Variants in ZBTB7A observed in about 807,000 individuals in gnomAD.
The protein encoded by ZBTB7A is zinc finger and BTB domain containing 7A, also known as zinc finger and BTB domain-containing protein 7A.
Under a neutral mutation model 26.7 loss-of-function variants are expected in ZBTB7A, and 7 were observed. The ratio of observed to expected loss-of-function variants is 0.26; its 90% CI spans 0.15 to 0.49. ZBTB7A has a LOEUF of 0.49. ZBTB7A is among the 20% of genes least tolerant of loss of function. ZBTB7A has a pLI of 0.98. For synonymous variants in ZBTB7A, 452 were observed against 441.0 expected, an observed-to-expected ratio of 1.02 and a Z score of -0.31; for missense variants, 617 against 919.5, an observed-to-expected ratio of 0.67 and a Z score of 4.25.
intron 1 of ZBTB7A, among the ~76,000 whole-genome samples, chr19:4,066,325 C>T (rs1263344380): frequency 6.6e-6 from 1 of 150,694 alleles, no homozygotes; most frequent in South Asian, 2.1e-4. Context: ...GACGCGCCCC[C>T]CTATCTCCCC....
chr19:4,066,199 T>G (rs1170002924), intron 1 of ZBTB7A, among the ~76,000 whole-genome samples: 1 of 45,638 alleles, frequency 2.2e-5, no homozygotes, highest in Non-Finnish European at 3.9e-5. Context: ...TTCAGCCCCC[T>G]CCCCCCCATC....
chr19:4,059,930 A>G (rs900643779), intron 1 of ZBTB7A, among the ~76,000 whole-genome samples: 1 of 152,088 alleles, frequency 6.6e-6, no homozygotes. Context: ...CGCCCGACAC[A>G]CGGTACACGC....
At chr19:4,066,051 T>G (rs1256554325) in intron 1 of ZBTB7A, among the ~76,000 whole-genome samples, 2 of 148,730 alleles carry the variant, frequency 1.3e-5, no homozygotes, top group African/African-American at 4.9e-5. Flanking sequence ...ACCCTGGGAC[T>G]TGTAGTCCAA....
At position 4,055,517 on chromosome 19, in the gene ZBTB7A, G is replaced by C. The variant is rs370794280; in HGVS notation, c.-15-270C>G. ...AGACAGGCTATCACCATGTTGGCCA[G>C]GCTGGTCTCAAACCCCTGGCCTCGG... On this transcript the variant is annotated intron_variant, in intron 1 of 2. Coordinates refer to ENST00000322357, the MANE Select transcript of ZBTB7A (RefSeq NM_015898.4). The C allele has an allele frequency of 1.3e-4, 126 of 983,088 alleles. No individual in the cohort carries two copies. In the African/African-American group the frequency reaches 2.1e-3, roughly 16 times the overall value. The allele number at this position is 983,088 out of a possible 1,614,324, so 60.9% of individuals were successfully genotyped here.
In ZBTB7A at chr19:4,056,924, C is replaced by T. The variant is rs559772245; in HGVS notation, c.-15-1677G>A. 6.4e-5 allele frequency among the ~76,000 whole-genome samples: 9 copies of T among 140,120 alleles called. No homozygotes were observed. In the South Asian group the frequency reaches 1.4e-3, roughly 22 times the overall value. The allele number at this position is 140,120 out of a possible 152,430, so 91.9% of individuals were successfully genotyped here. A position where few individuals can be genotyped will look rare whatever the true frequency, so the allele number is the denominator to read the frequency against. On this transcript the variant is annotated intron_variant, in intron 1 of 2. Transcript: ENST00000322357. Reference sequence around the variant, plus strand: ...TGCCTGTAATCCCAGCTACTCAGGACGCTGAGGCAGAAGAATCGCTTGAAC... The same window carrying T: ...TGCCTGTAATCCCAGCTACTCAGGATGCTGAGGCAGAAGAATCGCTTGAAC...
At chr19:4,053,579 C>T (rs1387482199) in intron 2 of ZBTB7A, among the ~76,000 whole-genome samples, 7 of 137,758 alleles carry the variant, frequency 5.1e-5, no homozygotes, top group Admixed American at 2.9e-4. Flanking sequence ...GCGCGCATGT[C>T]GGTGTGCGTG....
rs1305535642 is a variant in ZBTB7A at position 4,046,856 on chromosome 19, GA to G, written c.*895del. 1 of 150,850 alleles carries G rather than the reference GA, an allele frequency of 6.6e-6. No individual in the cohort carries two copies. The highest frequency in any genetic ancestry group is 1.5e-5 in the Non-Finnish European group (1 of 67,708). 9.3% of individuals were successfully genotyped at this position (150,850 alleles called of 1,614,324 possible). On this transcript the variant is annotated 3_prime_UTR_variant, in exon 3 of 3. Coordinates refer to ENST00000322357, the MANE Select transcript of ZBTB7A (RefSeq NM_015898.4). Reference sequence around the variant, plus strand: ...TAAAAAGTGCTTTAAAAATTTGGGAGAGGGGGCTCGGGGGAGAGGACGAAGA... The same window carrying G: ...TAAAAAGTGCTTTAAAAATTTGGGAGGGGGGCTCGGGGGAGAGGACGAAGA...
chr19:4,066,652 T>G (rs1236221413), intron 1 of ZBTB7A, 30 bp downstream of exon 1: 4 of 151,186 alleles, frequency 2.6e-5, no homozygotes, highest in Non-Finnish European at 5.9e-5. Flanking sequence ...CTGCACCCCG[T>G]GCCGGGGGCC....
chr19:4,057,084 C>T (rs1177722832), intron 1 of ZBTB7A, among the ~76,000 whole-genome samples: 1 of 149,550 alleles, frequency 6.7e-6, no homozygotes, highest in Non-Finnish European at 1.5e-5. Context: ...CACTGTGGCT[C>T]ACATCTATAA....
At chr19:4,049,083 GTCCTGCCTCA>G (rs2040463192) in intron 2 of ZBTB7A, among the ~76,000 whole-genome samples, 1 of 140,524 alleles carries the variant, frequency 7.1e-6, no homozygotes, top group Non-Finnish European at 1.6e-5. Flanking sequence ...TCAAGCCATC[GTCCTGCCTCA>G]TCCTCCAGAG....
At chr19:4,066,419 C>T (rs1450109714) in intron 1 of ZBTB7A, among the ~76,000 whole-genome samples, 2 of 150,798 alleles carry the variant, frequency 1.3e-5, no homozygotes, top group Non-Finnish European at 3.0e-5. Flanking sequence ...AAGCCATGCA[C>T]CCGGGTTGGG....
rs746058853 is a variant in ZBTB7A at position 4,054,828 on chromosome 19, G to C, written c.405C>G (p.Asp135Glu). 2 of 1,601,794 alleles carry C rather than the reference G, an allele frequency of 1.2e-6. No homozygotes were observed. Among genetic ancestry groups the C allele is most frequent in the East Asian group, 2.3e-5 (1 of 44,282 alleles). ...CCAGCTGCCCGGCGTCGGCGCCCGC[G>C]TCGGCCGCCAGGATCTGCCGGTCCA... ...DLLDRQILAA[D>E]AGADAGQLDL... is the part of the protein sequence containing the mutation. Residue 135 changes from aspartate to glutamate, a missense_variant, in exon 2 of 3, where the codon GAC (aspartate) becomes GAG (glutamate). By Grantham distance (45) the Asp-to-Glu change is conservative. Around this residue, in one of 5 missense-constraint regions of ZBTB7A, gnomAD observed 331 missense variants for 391.3 expected, o/e 0.85. Transcript: ENST00000322357.
chr19:4,060,724 CT>C (rs2040629968), intron 1 of ZBTB7A, among the ~76,000 whole-genome samples: 1 of 152,210 alleles, frequency 6.6e-6, no homozygotes, highest in South Asian at 2.1e-4. Context: ...AGAGAGGAGG[CT>C]GCATCGCTAG....
chr19:4,046,044 G>A lies in ZBTB7A; in HGVS notation c.*1708C>T. 2.5e-6 allele frequency: 1 copy of A among 399,006 alleles called. No homozygotes were observed. Among genetic ancestry groups the A allele is most frequent in the Non-Finnish European group, 4.4e-6 (1 of 226,120 alleles). 24.7% of individuals were successfully genotyped at this position (399,006 alleles called of 1,614,324 possible). A position where few individuals can be genotyped will look rare whatever the true frequency, so the allele number is the denominator to read the frequency against. On this transcript the variant is annotated 3_prime_UTR_variant, in exon 3 of 3. Coordinates refer to ENST00000322357, the MANE Select transcript of ZBTB7A (RefSeq NM_015898.4). ...CGTGTTGGGGGATTGGGGGGTGCCG[G>A]ATGGGGATCGGGGTGCTCCGGCTGG... is the stretch of plus-strand genomic sequence containing the variant.
At chr19:4,066,408 A>C (rs1459976193) in intron 1 of ZBTB7A, among the ~76,000 whole-genome samples, 2 of 146,238 alleles carry the variant, frequency 1.4e-5, no homozygotes, top group Non-Finnish European at 3.0e-5. Context: ...GGAGCCCCGA[A>C]AAGCCATGCA....
chr19:4,047,867 ACGTCCTCGTCCT>A lies in ZBTB7A; in HGVS notation c.1628_1639del (p.Glu543_Asp546del). The stretch of plus-strand genomic sequence containing the variant: ...CCGGCCCAAGCCGTCGGGGCTGGCC[ACGTCCTCGTCCT>A]CGTCCTCGTCCTTAAAGTGCTTCTC... On this transcript the variant is annotated inframe_deletion, in exon 3 of 3. Coordinates refer to ENST00000322357, the MANE Select transcript of ZBTB7A (RefSeq NM_015898.4). 4 of 1,604,244 alleles carry A rather than the reference ACGTCCTCGTCCT, an allele frequency of 2.5e-6. No homozygotes were observed. Among genetic ancestry groups the A allele is most frequent in the African/African-American group, 1.3e-5 (1 of 74,180 alleles).
chr19:4,049,965 C>T (rs1192948029), intron 2 of ZBTB7A, among the ~76,000 whole-genome samples: 1 of 152,132 alleles, frequency 6.6e-6, no homozygotes, highest in Non-Finnish European at 1.5e-5. Flanking sequence ...GCTCTATCTT[C>T]CAGGCTTGAG....
In ZBTB7A at chr19:4,049,212, A is replaced by ATATAT. The variant is rs1396362012; in HGVS notation, c.1263-969_1263-968insATATA. ...TATATATATATATATATATATATGT[A>ATATAT]AGTTTGAGAGATGGGGGTTGAGCTA... is the stretch of plus-strand genomic sequence containing the variant. On this transcript the variant is annotated intron_variant, in intron 2 of 2. Coordinates refer to ENST00000322357, the MANE Select transcript of ZBTB7A (RefSeq NM_015898.4). Among the ~76,000 whole-genome samples the ATATAT allele has an allele frequency of 7.3e-3, 169 of 23,182 alleles. 39 individuals are homozygous for ATATAT. The highest frequency in any genetic ancestry group is 0.06 in the East Asian group (5 of 84). 15.2% of individuals were successfully genotyped at this position (23,182 alleles called of 152,430 possible).
At chr19:4,056,017 A>G (rs552045643) in intron 1 of ZBTB7A, among the ~76,000 whole-genome samples, 2 of 151,394 alleles carry the variant, frequency 1.3e-5, no homozygotes, top group East Asian at 1.9e-4. Context: ...CAAATGTCCT[A>G]TCCTCTAGCC....
Sources: allele counts gnomAD v4.1 joint callset (sites outside exome capture counted in the v4.1 genomes callset), GRCh38; gene constraint gnomAD v4.1.1; regional missense constraint gnomAD v4.1.1; transcripts MANE v1.5; gene names NCBI Gene and HGNC (gene_info 2026-07-23, HGNC 2026-07-21).